Variants in IL7 observed in about 807,000 individuals in gnomAD.
IL7 encodes interleukin-7.
IL7 carries 3 observed loss-of-function variants against 21.6 expected under a neutral mutation model. That is an observed-to-expected ratio of 0.14 (90% CI 0.06 to 0.36). The LOEUF is 0.36. Among genes scored for constraint, IL7 ranks in the 10% least tolerant of loss-of-function variants. The pLI, the probability that IL7 is intolerant of heterozygous loss-of-function variation, is 1.00. For synonymous variants in IL7, 62 were observed against 68.1 expected (o/e 0.91, Z 0.44); for missense variants, 175 against 200.2 (o/e 0.87, Z 0.76).
At chr8:78,748,843 A>G (rs760012476) in intron 2 of IL7, among the ~76,000 whole-genome samples, 9 of 152,110 alleles carry the variant, frequency 5.9e-5, no homozygotes, top group Non-Finnish European at 1.3e-4. Flanking sequence ...CTACATAAAG[A>G]AAACAGCTAA....
At chr8:78,682,825 A>G (rs1809832668) in intron 4 of IL7, among the ~76,000 whole-genome samples, 1 of 152,194 alleles carries the variant, frequency 6.6e-6, no homozygotes, top group Non-Finnish European at 1.5e-5. Context: ...AAAATCAAAA[A>G]CAAGTTAGTT....
chr8:78,763,571 CCTATATGAAATGCAT>C (rs1812649924), intron 2 of IL7, among the ~76,000 whole-genome samples: 1 of 151,956 alleles, frequency 6.6e-6, no homozygotes. Context: ...AATTTGATAA[CCTATATGAAATGCAT>C]CAATTACTCA....
At chr8:78,675,892 G>A (rs367811198) in exon 5 of IL7, 10 of 1,563,210 alleles carry the variant, frequency 6.4e-6, no homozygotes, top group Middle Eastern at 1.7e-4. Flanking sequence ...TACCTTTATG[G>A]TTTTACAGAT....
At chr8:78,803,947 C>T (rs763880702) in intron 1 of IL7, among the ~76,000 whole-genome samples, 4 of 152,134 alleles carry the variant, frequency 2.6e-5, no homozygotes, top group African/African-American at 4.8e-5. Flanking sequence ...AAAGAAAGAG[C>T]AGTCAGTTTC....
rs1213923118 is a variant in IL7 at position 78,712,130 on chromosome 8, G to A, written n.214+9218C>T. 4 of 1,245,780 alleles carry A rather than the reference G, an allele frequency of 3.2e-6. No individual in the cohort carries two copies. In the South Asian group the frequency reaches 3.8e-5, roughly 12 times the overall value. 77.2% of individuals were successfully genotyped at this position (1,245,780 alleles called of 1,614,324 possible). A position where few individuals can be genotyped will look rare whatever the true frequency, so the allele number is the denominator to read the frequency against. On this transcript the variant is annotated intron_variant and non_coding_transcript_variant, in intron 3 of 4. Transcript: ENST00000523959. The stretch of plus-strand genomic sequence containing the variant: ...AAGTAAGTATTTGTAACTCAGTTTG[G>A]TTAATATTTTTCAGATATTTCCTTA...
At chr8:78,687,081 A>G (rs1157445954) in intron 3 of IL7, among the ~76,000 whole-genome samples, 1 of 152,058 alleles carries the variant, frequency 6.6e-6, no homozygotes, top group Non-Finnish European at 1.5e-5. Flanking sequence ...TATATTGTTA[A>G]ATTTTTTCTC....
At position 78,738,653 on chromosome 8, in the gene IL7, C is replaced by G; in HGVS notation, c.229-18G>C. On this transcript the variant is annotated intron_variant, in intron 3 of 5. Transcript: ENST00000263851. ...ATACCTTCCTATTATAGGAAAAAGTCAGAAGGGCCATGGTTCAAATAAAAT... is the reference window on the plus strand; with the variant it reads ...ATACCTTCCTATTATAGGAAAAAGTGAGAAGGGCCATGGTTCAAATAAAAT... 6.2e-7 allele frequency: 1 copy of G among 1,608,552 alleles called. No individual in the cohort carries two copies. Among genetic ancestry groups the G allele is most frequent in the Non-Finnish European group, 8.5e-7 (1 of 1,177,510 alleles).
chr8:78,729,141 T>C, downstream of IL7, among the ~76,000 whole-genome samples: 1 of 152,110 alleles, frequency 6.6e-6, no homozygotes, highest in Non-Finnish European at 1.5e-5. Context: ...CAATAAAATA[T>C]TTTCAAATGT....
intron 2 of IL7, among the ~76,000 whole-genome samples, chr8:78,786,217 T>C (rs1331876449): frequency 6.6e-6 from 1 of 152,202 alleles, no homozygotes; most frequent in Non-Finnish European, 1.5e-5. Context: ...GCCTATTACA[T>C]ACCTAGGCTA....
intron 2 of IL7, among the ~76,000 whole-genome samples, chr8:78,763,422 T>C (rs1467417657): frequency 6.6e-6 from 1 of 152,226 alleles, no homozygotes; most frequent in Non-Finnish European, 1.5e-5. Context: ...TATAAAGTGG[T>C]ATAATGTTAT....
Position 78,738,624 on chromosome 8 carries a change from A to G in IL7, c.240T>C (p.Phe80=), listed in dbSNP as rs769188313. ...TCAACTTGCGAGCAGCACGGAATAA[A>G]AACATACCTTCCTATTATAGGAAAA... ...HICDANKEGM[F]LFRAARKLRQ... The change falls in exon 4 of 6, where the codon TTT becomes TTC. Residue 80 remains phenylalanine, a synonymous_variant. Transcript: ENST00000263851. The G allele has an allele frequency of 6.2e-7, 1 of 1,613,446 alleles. No individual in the cohort carries two copies. Among genetic ancestry groups the G allele is most frequent in the South Asian group, 1.1e-5 (1 of 91,008 alleles).
intron 2 of IL7, among the ~76,000 whole-genome samples, chr8:78,762,588 C>G (rs947190784): frequency 6.6e-6 from 1 of 151,514 alleles, no homozygotes; most frequent in African/African-American, 2.4e-5. Flanking sequence ...CCGCCGGGTT[C>G]TTTTTTATAT....
chr8:78,769,869 G>T (rs1348755000), intron 2 of IL7, among the ~76,000 whole-genome samples: 1 of 152,108 alleles, frequency 6.6e-6, no homozygotes, highest in Non-Finnish European at 1.5e-5. Flanking sequence ...AGAGGCCTCA[G>T]AAATAATGCC....
intron 3 of IL7, among the ~76,000 whole-genome samples, chr8:78,690,404 C>CA (rs1294236277): frequency 1.3e-5 from 2 of 151,898 alleles, no homozygotes; most frequent in African/African-American, 4.8e-5. Context: ...AATAAAAATA[C>CA]AAAAAATTAG....
chr8:78,734,029 G>A (rs1371403142), intron 5 of IL7, among the ~76,000 whole-genome samples, 197 bp from the exon 6 acceptor site: 2 of 152,110 alleles, frequency 1.3e-5, no homozygotes, highest in East Asian at 3.8e-4. Flanking sequence ...AGGTTGGTGT[G>A]ATTAAAGACT....
intron 2 of IL7, among the ~76,000 whole-genome samples, chr8:78,763,713 A>T (rs944559321): frequency 6.6e-6 from 1 of 152,208 alleles, no homozygotes; most frequent in Non-Finnish European, 1.5e-5. Context: ...CTAATCCCAG[A>T]TGAGTTTATT....
At chr8:78,772,397 AT>A (rs767396111) in intron 2 of IL7, among the ~76,000 whole-genome samples, 91 of 152,314 alleles carry the variant, frequency 6.0e-4, no homozygotes, top group Non-Finnish European at 8.2e-4. Context: ...TTTAAAAAAA[AT>A]ATTGAATGTA....
intron 3 of IL7, among the ~76,000 whole-genome samples, chr8:78,702,665 G>A (rs1259288092): frequency 6.6e-6 from 1 of 152,010 alleles, no homozygotes; most frequent in East Asian, 1.9e-4. Context: ...TTGTTTCTTT[G>A]TACTCTAAGT....
At chr8:78,761,824 A>C (rs1812570475) in intron 2 of IL7, 1 of 1,612,032 alleles carries the variant, frequency 6.2e-7, no homozygotes. Flanking sequence ...GTAGTGCCTG[A>C]AAGTTATCTG....
Sources: allele counts gnomAD v4.1 joint callset (sites outside exome capture counted in the v4.1 genomes callset), GRCh38; gene constraint gnomAD v4.1.1; transcripts MANE v1.5; gene names NCBI Gene and HGNC (gene_info 2026-07-23, HGNC 2026-07-21).